Variants in SLC1A3 observed in about 807,000 individuals in gnomAD.
SLC1A3 encodes the protein solute carrier family 1 member 3, also known as excitatory amino acid transporter 1.
A neutral mutation model predicts 48.1 loss-of-function variants in SLC1A3; 21 were observed. The ratio of observed to expected loss-of-function variants is 0.44; its 90% CI spans 0.31 to 0.63. SLC1A3 has a LOEUF of 0.63. Ranked by LOEUF, SLC1A3 falls within the 20% of genes least tolerant of loss-of-function variation. The pLI, the probability that SLC1A3 is intolerant of heterozygous loss-of-function variation, is 0.08. For synonymous variants in SLC1A3, 239 were observed against 251.4 expected, an observed-to-expected ratio of 0.95 and a Z score of 0.47; for missense variants, 546 against 689.0, an observed-to-expected ratio of 0.79 and a Z score of 2.32.
At chr5:36,619,445 G>A (rs561833706) in intron 2 of SLC1A3, among the ~76,000 whole-genome samples, 2 of 152,250 alleles carry the variant, frequency 1.3e-5, no homozygotes, top group Admixed American at 1.3e-4. Flanking sequence ...TTTGAGACCA[G>A]CCTGGGCAAC....
chr5:36,651,931 TCCTGAAAGTATTACACTGCTTC>T (rs933185294), intron 3 of SLC1A3, among the ~76,000 whole-genome samples: 1 of 152,152 alleles, frequency 6.6e-6, no homozygotes, highest in African/African-American at 2.4e-5. Context: ...AGTTCCAAGG[TCCTGAAAGTATTACACTGCTTC>T]CCTGAGCAGT....
At chr5:36,651,375 G>T (rs1741064291) in intron 3 of SLC1A3, among the ~76,000 whole-genome samples, 1 of 151,868 alleles carries the variant, frequency 6.6e-6, no homozygotes, top group Non-Finnish European at 1.5e-5. Flanking sequence ...CACAATCCAG[G>T]GTCTTGCTCT....
chr5:36,650,270 G>T (rs1741008541), intron 3 of SLC1A3, among the ~76,000 whole-genome samples: 1 of 152,136 alleles, frequency 6.6e-6, no homozygotes, highest in Non-Finnish European at 1.5e-5. Flanking sequence ...TTCCACTGGG[G>T]TCATTTATCC....
At position 36,666,388 on chromosome 5, in the gene SLC1A3, T is replaced by A. The variant is rs1468107214; in HGVS notation, c.320-4641T>A. 4 of 152,060 alleles carry A rather than the reference T, an allele frequency of 2.6e-5. No homozygotes were observed. In the East Asian group the frequency reaches 7.7e-4, roughly 29 times the overall value. The allele number at this position is 152,060 out of a possible 1,614,324, so 9.4% of individuals were successfully genotyped here. On this transcript the variant is annotated intron_variant, in intron 3 of 9. Coordinates refer to ENST00000265113, the MANE Select transcript of SLC1A3 (RefSeq NM_004172.5). ...TGAGAAACTCATTGTGGAGAAGGGG[T>A]ACATCTAAAATAAAATAAAAACTGA...
At chr5:36,651,531 C>G (rs960959520) in intron 3 of SLC1A3, among the ~76,000 whole-genome samples, 5 of 144,054 alleles carry the variant, frequency 3.5e-5, no homozygotes, top group Admixed American at 1.4e-4. Context: ...CTCACTCCTC[C>G]TCCCCACCCT....
chr5:36,600,239 G>A (rs1182299912), intron 1 of SLC1A3, among the ~76,000 whole-genome samples: 2 of 151,990 alleles, frequency 1.3e-5, no homozygotes, highest in Non-Finnish European at 2.9e-5. Context: ...TCTGCCTCCC[G>A]ACTCTTCAGG....
intron 2 of SLC1A3, chr5:36,609,323 G>A: frequency 1.1e-6 from 1 of 874,600 alleles, no homozygotes; most frequent in Non-Finnish European, 1.4e-6. Context: ...ACTTATGGGT[G>A]GCATTGATCC....
chr5:36,685,328 G>A (rs1213216187), intron 9 of SLC1A3, among the ~76,000 whole-genome samples: 2 of 152,180 alleles, frequency 1.3e-5, no homozygotes, highest in Admixed American at 6.5e-5. Context: ...CCAGGCTAGA[G>A]TGCAATGGCA....
intron 2 of SLC1A3, among the ~76,000 whole-genome samples, chr5:36,623,535 A>C (rs1198875974): frequency 1.3e-5 from 2 of 152,022 alleles, no homozygotes; most frequent in Non-Finnish European, 2.9e-5. Flanking sequence ...TCAGTTTTGC[A>C]AAGGGTGAGC....
In SLC1A3 at chr5:36,688,182, A is replaced by G. The variant is rs886753214; in HGVS notation, c.*1913A>G. ...TCTGTTACACAATATGTGTTTTTTA[A>G]TATACTAACCATTTCTTATGGAAAG... On this transcript the variant is annotated 3_prime_UTR_variant, in exon 10 of 10. Coordinates refer to ENST00000265113, the MANE Select transcript of SLC1A3 (RefSeq NM_004172.5). The G allele has an allele frequency of 4.6e-5, 7 of 152,222 alleles. No homozygotes were observed. Among genetic ancestry groups the G allele is most frequent in the African/African-American group, 1.7e-4 (7 of 41,464 alleles). 9.4% of individuals were successfully genotyped at this position (152,222 alleles called of 1,614,324 possible).
At chr5:36,675,241 A>G (rs1742157604) in intron 5 of SLC1A3, among the ~76,000 whole-genome samples, 2 of 125,778 alleles carry the variant, frequency 1.6e-5, no homozygotes, top group South Asian at 5.0e-4. Flanking sequence ...ATTCAAACCA[A>G]ATTCTTTCTT....
Position 36,629,599 on chromosome 5 carries a change from A to G in SLC1A3, c.319+12A>G. 6.2e-7 allele frequency: 1 copy of G among 1,611,442 alleles called. No homozygotes were observed. Among genetic ancestry groups the G allele is most frequent in the South Asian group, 1.1e-5 (1 of 91,010 alleles). On this transcript the variant is annotated intron_variant, in intron 3 of 9. Coordinates refer to ENST00000265113, the MANE Select transcript of SLC1A3 (RefSeq NM_004172.5). ...CAGTCTTGTCACAGGTACCATAAGC[A>G]GTTGTTGGTTTGTTTGGTTTTTTTT...
intron 3 of SLC1A3, among the ~76,000 whole-genome samples, chr5:36,656,425 G>A (rs531131543): frequency 6.6e-6 from 1 of 152,276 alleles, no homozygotes; most frequent in South Asian, 2.1e-4. Flanking sequence ...TAATTTTAAA[G>A]TGCATTTGTT....
At chr5:36,677,557 G>T (rs1010276581) in intron 6 of SLC1A3, among the ~76,000 whole-genome samples, 1 of 152,160 alleles carries the variant, frequency 6.6e-6, no homozygotes, top group Middle Eastern at 3.2e-3. Flanking sequence ...AACATACAAG[G>T]ATATTCCAGA....
intron 3 of SLC1A3, among the ~76,000 whole-genome samples, chr5:36,647,386 A>C (rs889083358): frequency 6.6e-6 from 1 of 152,230 alleles, no homozygotes. Context: ...TCTGCCATGA[A>C]TTTCTCTGGA....
At chr5:36,608,258 C>T (rs1739040164) in intron 1 of SLC1A3, 71 bp from the exon 2 acceptor site, 1 of 621,048 alleles carries the variant, frequency 1.6e-6, no homozygotes, top group South Asian at 2.1e-5. Context: ...CAAGAGCTTG[C>T]CTGGTGTGGA....
intron 2 of SLC1A3, among the ~76,000 whole-genome samples, chr5:36,627,171 G>A (rs897923968): frequency 3.3e-5 from 5 of 151,874 alleles, no homozygotes; most frequent in Middle Eastern, 3.4e-3. Flanking sequence ...ACACACACAC[G>A]TACGTACCTA....
intron 2 of SLC1A3, among the ~76,000 whole-genome samples, chr5:36,614,861 A>G (rs770098530): frequency 2.0e-5 from 3 of 152,070 alleles, no homozygotes; most frequent in Non-Finnish European, 4.4e-5. Context: ...GTTTTGAAGC[A>G]GTGGGTAGAA....
intron 2 of SLC1A3, among the ~76,000 whole-genome samples, chr5:36,615,535 G>A (rs538642510): frequency 6.6e-6 from 1 of 152,280 alleles, no homozygotes; most frequent in African/African-American, 2.4e-5. Context: ...CTCTGGGTCT[G>A]ATAATCAGTG....
Sources: gnomAD v4.1 joint callset for allele counts (sites outside exome capture counted in the v4.1 genomes callset) on GRCh38, gnomAD v4.1.1 for gene constraint, MANE v1.5 for transcripts, NCBI Gene and HGNC (gene_info 2026-07-23, HGNC 2026-07-21) for gene names.